PPL: variants seen among roughly 807,000 people sequenced by gnomAD.
PPL encodes the protein 190 kDa paraneoplastic pemphigus antigen.
In PPL, 198 loss-of-function variants were observed where a neutral mutation model predicts 194.4. That is an observed-to-expected ratio of 1.02 (90% CI 0.91 to 1.15). The LOEUF (loss-of-function observed/expected upper bound fraction) is 1.15, where lower values mean the gene tolerates loss of function less well. Ranked by LOEUF, PPL falls within the 50% of genes most tolerant of loss-of-function variation. The pLI, the probability that PPL is intolerant of heterozygous loss-of-function variation, is 0.00. For synonymous variants in PPL, 1,220 were observed against 972.4 expected (o/e 1.25, Z -4.74); for missense variants, 2,885 against 2,294.8 (o/e 1.26, Z -5.25).
chr16:4,886,341 T>C (rs2088219351), intron 21 of PPL, among the ~76,000 whole-genome samples: 1 of 152,264 alleles, frequency 6.6e-6, no homozygotes, highest in Non-Finnish European at 1.5e-5. Context: ...AGATGCTATC[T>C]GTGCTCACAC....
chr16:4,911,867 C>T (rs970558488), intron 1 of PPL, among the ~76,000 whole-genome samples: 7 of 151,940 alleles, frequency 4.6e-5, no homozygotes, highest in Admixed American at 3.9e-4. Context: ...GATAGGGTCT[C>T]ACTCTGTCAC....
At position 4,883,681 on chromosome 16, in the gene PPL, G is replaced by C; in HGVS notation, c.4974C>G (p.Ile1658Met). ...GGCCTGTGTCAGGGTGGATGACTAC[G>C]ATGGAGCGCCGCAGGTGGTTCTCCC... ...EQRENHLRRSIVVIHPDTGRE... is the reference protein window; with the variant it reads ...EQRENHLRRSMVVIHPDTGRE... Residue 1658 changes from isoleucine to methionine, a missense_variant, in exon 22 of 22, where the codon ATC becomes ATG. Coordinates refer to ENST00000345988, the MANE Select transcript of PPL (RefSeq NM_002705.5). The surrounding 1 kb of genome is among the most constrained non-coding windows in gnomAD (Gnocchi z 4.8). 6.2e-7 allele frequency: 1 copy of C among 1,614,110 alleles called. No homozygotes were observed. The highest frequency in any genetic ancestry group is 8.5e-7 in the Non-Finnish European group (1 of 1,180,018).
chr16:4,897,749 C>T lies in PPL; in HGVS notation c.898G>A (p.Ala300Thr), dbSNP rs762688749. 1.4e-5 allele frequency: 22 copies of T among 1,613,648 alleles called. No homozygotes were observed. The highest frequency in any genetic ancestry group is 1.7e-4 in the Middle Eastern group (1 of 5,926). Residue 300 changes from alanine (A) to threonine (T), a missense_variant, in exon 9 of 22, where the codon GCA becomes ACA. Physicochemically the swap from Ala to Thr is moderately conservative, Grantham distance 58 (BLOSUM62 0). Transcript: ENST00000345988. ...AGGTTCAGGTACTCCTTCCAGTCTG[C>T]GTGCACAGCCTCCATGTGCGCCTGC... ...SIEAHMEAVH[A>T]DWKEYLNLLI... is the part of the protein sequence containing the mutation.
chr16:4,910,826 G>A, intron 2 of PPL, 24 bp downstream of exon 2: 3 of 1,589,608 alleles, frequency 1.9e-6, no homozygotes, highest in Non-Finnish European at 1.7e-6. Flanking sequence ...GCACCCAGGT[G>A]GGAGTGGGAG....
chr16:4,926,604 G>A (rs150632199), intron 1 of PPL, among the ~76,000 whole-genome samples: 42 of 152,230 alleles, frequency 2.8e-4, no homozygotes, highest in African/African-American at 4.3e-4. Flanking sequence ...GGCTTGGCGC[G>A]GTGACTCATG....
Position 4,904,927 on chromosome 16 carries a change from G to A in PPL, c.163-887C>T, listed in dbSNP as rs962700614. 2.0e-5 allele frequency among the ~76,000 whole-genome samples: 3 copies of A among 152,310 alleles called. No individual in the cohort carries two copies. In the East Asian group the frequency reaches 5.8e-4, roughly 29 times the overall value. ...CCGTCGATGGTTGCTGATGAGTACA[G>A]GGCTTCTGTTCGTTTAGGGAAGAGC... On this transcript the variant is annotated intron_variant, in intron 2 of 21. Coordinates refer to ENST00000345988, the MANE Select transcript of PPL (RefSeq NM_002705.5).
At chr16:4,920,307 A>C (rs1182579295) in intron 1 of PPL, among the ~76,000 whole-genome samples, 1 of 124,728 alleles carries the variant, frequency 8.0e-6, no homozygotes, top group Non-Finnish European at 1.7e-5. Flanking sequence ...AGAAAGAAGG[A>C]AAGAAGGAAA....
chr16:4,893,131 G>C, intron 14 of PPL, 82 bp downstream of exon 14: 1 of 1,411,506 alleles, frequency 7.1e-7, no homozygotes, highest in African/African-American at 1.4e-5. Context: ...AAGACTCCAT[G>C]GGGAAAAGAC....
chr16:4,895,117 C>A, intron 11 of PPL, 144 bp downstream of exon 11: 4 of 1,113,354 alleles, frequency 3.6e-6, no homozygotes, highest in Non-Finnish European at 4.9e-6. Context: ...GCCAGTTGGC[C>A]TGCACCAGGG....
chr16:4,886,109 C>T, intron 21 of PPL, 62 bp from the exon 22 acceptor site: 3 of 1,602,148 alleles, frequency 1.9e-6, no homozygotes, highest in Middle Eastern at 3.4e-4. Flanking sequence ...TAGGGCCTGT[C>T]CCCACCTGGT....
chr16:4,914,325 G>C lies in PPL; in HGVS notation c.63-3376C>G, dbSNP rs1053305955. 3.9e-5 allele frequency among the ~76,000 whole-genome samples: 6 copies of C among 152,158 alleles called. No individual in the cohort carries two copies. In the South Asian group the frequency reaches 1.2e-3, roughly 31 times the overall value. ...GCTGAACCCAGGTCTCCAGAGCTGG[G>C]CCCAGGAAGCTGTATTATTATTACT... is the stretch of plus-strand genomic sequence containing the variant. On this transcript the variant is annotated intron_variant, in intron 1 of 21. Coordinates refer to ENST00000345988, the MANE Select transcript of PPL (RefSeq NM_002705.5).
chr16:4,912,733 G>A (rs965362890), intron 1 of PPL, among the ~76,000 whole-genome samples: 1 of 152,230 alleles, frequency 6.6e-6, no homozygotes, highest in African/African-American at 2.4e-5. Flanking sequence ...TGGGCTGCCC[G>A]CTGTTACAAG....
At position 4,883,297 on chromosome 16, in the gene PPL, G is replaced by A. The variant is rs1028340243; in HGVS notation, c.*87C>T. 1.4e-5 allele frequency: 22 copies of A among 1,576,192 alleles called. No homozygotes were observed. In the African/African-American group the frequency reaches 3.0e-4, roughly 21 times the overall value. Reference sequence around the variant, plus strand: ...GTATAAAATGCTTGGCCTGCACCAGGGCAAGGGAGAGGACGACACCAAGGA... The same window carrying A: ...GTATAAAATGCTTGGCCTGCACCAGAGCAAGGGAGAGGACGACACCAAGGA... On this transcript the variant is annotated 3_prime_UTR_variant, in exon 22 of 22. Coordinates refer to ENST00000345988, the MANE Select transcript of PPL (RefSeq NM_002705.5). This position sits in a 1 kb window ranked among gnomAD's most constrained non-coding sequence, Gnocchi z 4.8.
In PPL at chr16:4,903,825, C is replaced by A. The variant is rs1033924040; in HGVS notation, c.317+61G>T. The A allele has an allele frequency of 2.1e-5, 33 of 1,593,054 alleles. No homozygotes were observed. The African/African-American group carries it at 3.9e-4, about 19-fold the overall frequency. ...CGGGCTCCCAAATGCTGAACAGGACCCCCCGCCCTGGCCCATAGCCCCCAA... is the reference window on the plus strand; with the variant it reads ...CGGGCTCCCAAATGCTGAACAGGACACCCCGCCCTGGCCCATAGCCCCCAA... On this transcript the variant is annotated intron_variant, in intron 3 of 21. Transcript: ENST00000345988.
chr16:4,933,859 C>T lies in PPL; in HGVS notation c.62+3125G>A, dbSNP rs17137459. 2.1e-3 allele frequency among the ~76,000 whole-genome samples: 324 copies of T among 152,340 alleles called. 2 individuals are homozygous for T. The highest frequency in any genetic ancestry group is 7.1e-3 in the African/African-American group (294 of 41,574). ...GTCCACCATGATATCAAGTTTAACC[C>T]TGGGTACACCACAGCTAGCTTGCCC... On this transcript the variant is annotated intron_variant, in intron 1 of 21. Coordinates refer to ENST00000345988, the MANE Select transcript of PPL (RefSeq NM_002705.5).
intron 1 of PPL, among the ~76,000 whole-genome samples, chr16:4,929,125 AG>A (rs1317624755): frequency 6.6e-6 from 1 of 151,778 alleles, no homozygotes; most frequent in Non-Finnish European, 1.5e-5. Flanking sequence ...AATTTATCTC[AG>A]ACAATGTAAT....
rs1319010580 is a variant in PPL, at chr16:4,885,405, T to C, written c.3250A>G (p.Arg1084Gly). Residue 1084 changes from arginine to glycine, a missense_variant, in exon 22 of 22, where the codon AGG becomes GGG. Physicochemically the swap from Arg to Gly is moderately radical, Grantham distance 125. Transcript: ENST00000345988. The surrounding 1 kb of genome is among the most constrained non-coding windows in gnomAD (Gnocchi z 6.3). ...CTCAGCTCCTCCTCCTGCTTCTCCC[T>C]GAGCTGGTCCTGGCGCTGGTGGTCC... ...QEDHQRQDQL[R>G]EKQEEELSFL... is the part of the protein sequence containing the mutation. The C allele has an allele frequency of 6.2e-7, 1 of 1,612,814 alleles. No homozygotes were observed. Among genetic ancestry groups the C allele is most frequent in the Non-Finnish European group, 8.5e-7 (1 of 1,179,920 alleles).
Position 4,883,966 on chromosome 16 carries a change from T to C in PPL, c.4689A>G (p.Glu1563=). 6.2e-7 allele frequency: 1 copy of C among 1,614,086 alleles called. No homozygotes were observed. Residue 1563 remains glutamate, a synonymous_variant, in exon 22 of 22, where the codon GAA becomes GAG. Coordinates refer to ENST00000345988, the MANE Select transcript of PPL (RefSeq NM_002705.5). The surrounding 1 kb of genome is among the most constrained non-coding windows in gnomAD (Gnocchi z 4.8). ...KSSKELDFLR[E]ENHKLQLERQ... ...TCTCCAGCTGTAATTTGTGGTTCTC[T>C]TCCCTCAGAAAGTCTAGTTCCTTGG... is the stretch of plus-strand genomic sequence containing the variant.
In PPL at chr16:4,883,983, G is replaced by C. The variant is rs1260544854; in HGVS notation, c.4672C>G (p.Leu1558Val). ...TGGTTCTCTTCCCTCAGAAAGTCTA[G>C]TTCCTTGGATGACTTGGAGTTATGG... The part of the protein sequence containing the change: ...EFHNSKSSKE[L>V]DFLREENHKL... Residue 1558 changes from leucine (L) to valine (V), a missense_variant, in exon 22 of 22, where the codon CTA (leucine) becomes GTA (valine). Leu to Val is a conservative substitution (Grantham distance 32, BLOSUM62 1). Coordinates refer to ENST00000345988, the MANE Select transcript of PPL (RefSeq NM_002705.5). This position sits in a 1 kb window ranked among gnomAD's most constrained non-coding sequence, Gnocchi z 4.8. The C allele has an allele frequency of 6.2e-7, 1 of 1,613,954 alleles. No individual in the cohort carries two copies. The highest frequency in any genetic ancestry group is 8.5e-7 in the Non-Finnish European group (1 of 1,180,038).
Sources: allele counts gnomAD v4.1 joint callset (sites outside exome capture counted in the v4.1 genomes callset), GRCh38; gene constraint gnomAD v4.1.1; non-coding constraint Gnocchi (gnomAD v3.1); transcripts MANE v1.5; gene names NCBI Gene and HGNC (gene_info 2026-07-23, HGNC 2026-07-21).